The following FLT3 variants were observed in gnomAD, a reference collection of about 807,000 sequenced individuals.
FLT3 encodes fms related receptor tyrosine kinase 3.
Under a neutral mutation model 126.6 loss-of-function variants are expected in FLT3, and 46 were observed. The ratio of observed to expected loss-of-function variants is 0.36; its 90% CI spans 0.29 to 0.46. The LOEUF (loss-of-function observed/expected upper bound fraction) is 0.46, where lower values mean the gene tolerates loss of function less well. Among genes scored for constraint, FLT3 ranks in the 20% least tolerant of loss-of-function variants. FLT3 has a pLI of 1.00. For missense variants in FLT3, 1,069 were observed against 1,190.3 expected, an observed-to-expected ratio of 0.90 and a Z score of 1.50; for synonymous variants, 404 against 434.4, an observed-to-expected ratio of 0.93 and a Z score of 0.87.
Position 28,003,607 on chromosome 13 carries a change from T to C in FLT3, c.*445A>G, listed in dbSNP as rs1182847463. The C allele has an allele frequency of 1.6e-5, 4 of 246,316 alleles. No homozygotes were observed. Among genetic ancestry groups the C allele is most frequent in the Non-Finnish European group, 2.4e-5 (3 of 124,798 alleles). The allele number at this position is 246,316 out of a possible 1,614,324, so 15.3% of individuals were successfully genotyped here. Reference sequence around the variant, plus strand: ...TTATACCATGTAAATAATTCAATAATGGGCAATTCTGTAGTAGAAATTTTA... The same window carrying C: ...TTATACCATGTAAATAATTCAATAACGGGCAATTCTGTAGTAGAAATTTTA... On this transcript the variant is annotated 3_prime_UTR_variant, in exon 24 of 24. Transcript: ENST00000241453.
chr13:28,053,376 T>G (rs908776659), intron 4 of FLT3, among the ~76,000 whole-genome samples: 1 of 138,656 alleles, frequency 7.2e-6, no homozygotes, highest in African/African-American at 3.3e-5. Flanking sequence ...AAATTTTGTT[T>G]GAAAATACTA....
At chr13:28,068,307 A>T (rs985225840) in intron 2 of FLT3, 1 of 152,214 alleles carries the variant, frequency 6.6e-6, no homozygotes, top group Non-Finnish European at 1.5e-5. Flanking sequence ...TTAAAAGCAA[A>T]TTTGAAGAAT....
intron 15 of FLT3, among the ~76,000 whole-genome samples, chr13:28,032,950 G>A (rs930297932): frequency 2.6e-5 from 4 of 152,188 alleles, no homozygotes; most frequent in African/African-American, 9.7e-5. Context: ...GGTGGTAACG[G>A]TGAGGCCAGC....
At chr13:28,082,408 T>C (rs1357175753) in intron 1 of FLT3, among the ~76,000 whole-genome samples, 1 of 152,048 alleles carries the variant, frequency 6.6e-6, no homozygotes, top group Admixed American at 6.6e-5. Flanking sequence ...GCAACCCCCC[T>C]TGCCTCGTCC....
chr13:28,064,322 C>T (rs1876824691), intron 2 of FLT3, among the ~76,000 whole-genome samples: 1 of 151,162 alleles, frequency 6.6e-6, no homozygotes, highest in South Asian at 2.1e-4. Context: ...CTCCTGAAAT[C>T]CCAGCACTTT....
intron 2 of FLT3, 127 bp downstream of exon 2, chr13:28,070,364 G>C: frequency 1.4e-6 from 1 of 709,148 alleles, no homozygotes; most frequent in South Asian, 1.8e-5. Flanking sequence ...GTTGGTACCA[G>C]ATGTGAGGCC....
chr13:28,060,820 G>C (rs1876490259), intron 3 of FLT3, among the ~76,000 whole-genome samples: 1 of 151,524 alleles, frequency 6.6e-6, no homozygotes, highest in Admixed American at 6.6e-5. Context: ...GTCCAGGCTG[G>C]TCTCGAACTC....
At chr13:28,044,382 G>A (rs1244240001) in intron 9 of FLT3, among the ~76,000 whole-genome samples, 3 of 151,338 alleles carry the variant, frequency 2.0e-5, no homozygotes, top group Admixed American at 6.6e-5. Flanking sequence ...CCCAGGAGAC[G>A]GAGGTTGCAG....
At position 28,007,858 on chromosome 13, in the gene FLT3, A is replaced by G. The variant is rs373990298; in HGVS notation, c.2860-3684T>C. On this transcript the variant is annotated intron_variant, in intron 23 of 23. Coordinates refer to ENST00000241453, the MANE Select transcript of FLT3 (RefSeq NM_004119.3). The stretch of plus-strand genomic sequence containing the variant: ...ATACTCAAAAAATGTTAGCAATTAC[A>G]TTATTAGTTCAAAAAACAACTTTTG... Among the ~76,000 whole-genome samples the G allele has an allele frequency of 3.3e-5, 5 of 152,330 alleles. No individual in the cohort carries two copies. In the East Asian group the frequency reaches 9.6e-4, roughly 29 times the overall value.
intron 23 of FLT3, among the ~76,000 whole-genome samples, chr13:28,013,585 G>A (rs977278513): frequency 4.6e-5 from 7 of 152,214 alleles, no homozygotes; most frequent in African/African-American, 7.2e-5. Flanking sequence ...GATGGGGGAA[G>A]CGTTAGCAAA....
chr13:28,025,672 G>A (rs1872732267), intron 17 of FLT3, among the ~76,000 whole-genome samples: 1 of 152,204 alleles, frequency 6.6e-6, no homozygotes, highest in African/African-American at 2.4e-5. Flanking sequence ...GTACTGACCA[G>A]TGGATACTGG....
chr13:28,043,217 A>G (rs1874541639), intron 9 of FLT3, among the ~76,000 whole-genome samples: 1 of 152,200 alleles, frequency 6.6e-6, no homozygotes, highest in African/African-American at 2.4e-5. Flanking sequence ...AAAAGTGGAA[A>G]AAGCTAAGGT....
At chr13:28,062,532 C>A (rs1257044293) in intron 2 of FLT3, among the ~76,000 whole-genome samples, 28 of 151,964 alleles carry the variant, frequency 1.8e-4, no homozygotes, top group Non-Finnish European at 1.0e-4. Flanking sequence ...CACTTGAAGT[C>A]AGGAATTCAA....
intron 1 of FLT3, among the ~76,000 whole-genome samples, chr13:28,082,054 C>G (rs958754153): frequency 4.0e-5 from 6 of 151,708 alleles, no homozygotes; most frequent in Non-Finnish European, 5.9e-5. Context: ...CAGGGTTTCG[C>G]CATGTTGCCC....
intron 2 of FLT3, among the ~76,000 whole-genome samples, chr13:28,069,246 G>C (rs1354185595): frequency 6.6e-6 from 1 of 152,108 alleles, no homozygotes; most frequent in Non-Finnish European, 1.5e-5. Flanking sequence ...CTTGACTTAG[G>C]GAAGTGGCAG....
At chr13:28,054,358 G>A (rs1385580391) in intron 4 of FLT3, among the ~76,000 whole-genome samples, 1 of 151,614 alleles carries the variant, frequency 6.6e-6, no homozygotes, top group African/African-American at 2.4e-5. Flanking sequence ...GAGTCCATTA[G>A]GCTGAGACAA....
At chr13:28,086,044 G>C (rs978924898) in intron 1 of FLT3, among the ~76,000 whole-genome samples, 1 of 152,144 alleles carries the variant, frequency 6.6e-6, no homozygotes, top group Non-Finnish European at 1.5e-5. Context: ...TGAAACTTCT[G>C]CTTTTTAATT....
In FLT3 at chr13:28,035,687, T is replaced by C; in HGVS notation, c.1419-14A>G. ...TCTTCTGTGCAGCTGAAAAAAAAAA[T>C]AGCAAAGAATTTAGACAGGTGAGCT... On this transcript the variant is annotated splice_polypyrimidine_tract_variant and intron_variant, in intron 11 of 23. Transcript: ENST00000241453. The C allele has an allele frequency of 6.3e-7, 1 of 1,592,800 alleles. No individual in the cohort carries two copies. Among genetic ancestry groups the C allele is most frequent in the Non-Finnish European group, 8.5e-7 (1 of 1,173,104 alleles).
intron 1 of FLT3, among the ~76,000 whole-genome samples, chr13:28,095,509 C>T (rs1879395819): frequency 2.0e-5 from 3 of 152,026 alleles, no homozygotes; most frequent in Admixed American, 2.0e-4. Context: ...CTCTTGACCT[C>T]GTGATCTGCC....
Sources: gnomAD v4.1 joint callset for allele counts (sites outside exome capture counted in the v4.1 genomes callset) on GRCh38, gnomAD v4.1.1 for gene constraint, MANE v1.5 for transcripts, NCBI Gene and HGNC (gene_info 2026-07-23, HGNC 2026-07-21) for gene names.